The following GPR83 variants were observed in gnomAD, a reference collection of about 807,000 sequenced individuals.
GPR83 encodes G protein-coupled receptor 83.
A neutral mutation model predicts 28.0 loss-of-function variants in GPR83; 23 were observed. The ratio of observed to expected loss-of-function variants is 0.82; its 90% CI spans 0.59 to 1.16. The LOEUF is 1.16. Among genes scored for constraint, GPR83 ranks in the 50% most tolerant of loss-of-function variants. The pLI is 0.00. For missense variants in GPR83, 610 were observed against 536.6 expected, an observed-to-expected ratio of 1.14 and a Z score of -1.35; for synonymous variants, 234 against 215.4, an observed-to-expected ratio of 1.09 and a Z score of -0.76.
At chr11:94,396,370 A>G in intron 2 of GPR83, 29 bp downstream of exon 2, 2 of 1,609,098 alleles carry the variant, frequency 1.2e-6, no homozygotes, top group Admixed American at 1.7e-5. Context: ...GAGAGGGAAG[A>G]GCAGAGCATT....
intron 3 of GPR83, among the ~76,000 whole-genome samples, chr11:94,381,891 G>T (rs1410540247): frequency 6.6e-6 from 1 of 152,148 alleles, no homozygotes; most frequent in Non-Finnish European, 1.5e-5. Flanking sequence ...CCTCCTGTGG[G>T]GCAGGGGCAG....
At chr11:94,389,329 C>G (rs1369153604) in intron 3 of GPR83, among the ~76,000 whole-genome samples, 1 of 152,166 alleles carries the variant, frequency 6.6e-6, no homozygotes, top group Non-Finnish European at 1.5e-5. Context: ...CAAATGGGAT[C>G]TAATTAAACT....
At chr11:94,387,861 C>T (rs1944776323) in intron 3 of GPR83, among the ~76,000 whole-genome samples, 1 of 152,140 alleles carries the variant, frequency 6.6e-6, no homozygotes, top group Non-Finnish European at 1.5e-5. Context: ...CAAAGCCTGG[C>T]AGAGACACAA....
In GPR83 at chr11:94,387,720, C is replaced by T. The variant is rs182825330; in HGVS notation, c.647+5765G>A. Among the ~76,000 whole-genome samples the T allele has an allele frequency of 4.4e-3, 672 of 152,160 alleles. 38 individuals are homozygous for T. In the East Asian group the frequency reaches 0.093, roughly 21 times the overall value. On this transcript the variant is annotated intron_variant, in intron 3 of 3. Transcript: ENST00000243673. ...CAACCAAAAAAAGTCCAGGACCAGA[C>T]GGATTCACAGCCGATTTCTACCAGA...
intron 1 of GPR83, among the ~76,000 whole-genome samples, chr11:94,397,397 G>A (rs1198092060): frequency 6.6e-6 from 1 of 152,224 alleles, no homozygotes; most frequent in Non-Finnish European, 1.5e-5. Flanking sequence ...AAGACAGAAA[G>A]TAATCAGTGC....
rs147783996 is a variant in GPR83, at chr11:94,396,521, G to A, written c.391C>T (p.Arg131Cys). 95 of 1,613,528 alleles carry A rather than the reference G, an allele frequency of 5.9e-5. No individual in the cohort carries two copies. The highest frequency in any genetic ancestry group is 2.7e-4 in the Admixed American group (16 of 60,000). ...AATATCCATGTGCTGTTCACAAAGCGAACCTGGAGATGAGCCCAAAGATGT... is the reference window on the plus strand; with the variant it reads ...AATATCCATGTGCTGTTCACAAAGCAAACCTGGAGATGAGCCCAAAGATGT... ...TLLNTPFTLV[R>C]FVNSTWIFGK... The change falls in exon 2 of 4, where the codon CGC (arginine) becomes TGC (cysteine). Residue 131 changes from arginine (R) to cysteine (C), a missense_variant. By Grantham distance (180) the Arg-to-Cys change is radical. Coordinates refer to ENST00000243673, the MANE Select transcript of GPR83 (RefSeq NM_016540.4).
chr11:94,401,286 G>A lies in GPR83; in HGVS notation c.-39C>T. On this transcript the variant is annotated 5_prime_UTR_variant, in exon 1 of 4. Coordinates refer to ENST00000243673, the MANE Select transcript of GPR83 (RefSeq NM_016540.4). ...CCCCTCCCCTGGGAGCCTGCGGGCC[G>A]GGCGTCCCCTCCCGCTGGGATCGGA... 1 of 1,539,666 alleles carries A rather than the reference G, an allele frequency of 6.5e-7. No homozygotes were observed. Among genetic ancestry groups the A allele is most frequent in the Non-Finnish European group, 8.7e-7 (1 of 1,149,972 alleles).
At position 94,379,085 on chromosome 11, in the gene GPR83, A is replaced by G. The variant is rs1324162483; in HGVS notation, c.*1064T>C. 2 of 152,192 alleles carry G rather than the reference A, an allele frequency of 1.3e-5. 1 individual carries two copies. Among genetic ancestry groups the G allele is most frequent in the Non-Finnish European group, 2.9e-5 (2 of 68,100 alleles). The allele number at this position is 152,192 out of a possible 1,614,324, so 9.4% of individuals were successfully genotyped here. ...CTAAATGAAAAAGTATAAATGAAAA[A>G]AAAGGGCCGGGCGGGGTGGCTCACG... On this transcript the variant is annotated 3_prime_UTR_variant, in exon 4 of 4. Transcript: ENST00000243673.
At chr11:94,397,864 A>G (rs1252580374) in intron 1 of GPR83, among the ~76,000 whole-genome samples, 3 of 152,206 alleles carry the variant, frequency 2.0e-5, no homozygotes, top group African/African-American at 7.2e-5. Context: ...TGTGAACAAG[A>G]GTCATGTCAA....
rs545246723 is a variant in GPR83 at position 94,389,049 on chromosome 11, A to C, written c.647+4436T>G. On this transcript the variant is annotated intron_variant, in intron 3 of 3. Coordinates refer to ENST00000243673, the MANE Select transcript of GPR83 (RefSeq NM_016540.4). ...TCTACAACTATCTGGTCCTTGACAA[A>C]CCTGACAAAAACAAGAAATGGGGAA... is the stretch of plus-strand genomic sequence containing the variant. 3.3e-5 allele frequency among the ~76,000 whole-genome samples: 5 copies of C among 152,324 alleles called. No individual in the cohort carries two copies. In the East Asian group the frequency reaches 7.7e-4, roughly 23 times the overall value.
chr11:94,392,462 A>G (rs1944826063), intron 3 of GPR83, among the ~76,000 whole-genome samples: 1 of 152,118 alleles, frequency 6.6e-6, no homozygotes, highest in Non-Finnish European at 1.5e-5. Flanking sequence ...AATTTAAAGT[A>G]TAATAAAACA....
intron 3 of GPR83, among the ~76,000 whole-genome samples, chr11:94,388,962 G>C (rs1364426765): frequency 6.6e-6 from 1 of 152,142 alleles, no homozygotes; most frequent in East Asian, 1.9e-4. Context: ...CATGGTACTG[G>C]TACCAAAACA....
At chr11:94,393,068 A>T (rs986910119) in intron 3 of GPR83, among the ~76,000 whole-genome samples, 1 of 152,200 alleles carries the variant, frequency 6.6e-6, no homozygotes, top group Non-Finnish European at 1.5e-5. Context: ...CATACATGGT[A>T]GGTGGGGGAG....
intron 3 of GPR83, among the ~76,000 whole-genome samples, chr11:94,384,662 G>A (rs1261894686): frequency 3.3e-5 from 5 of 152,170 alleles, no homozygotes; most frequent in African/African-American, 4.8e-5. Flanking sequence ...AGGAGCGTCC[G>A]CCATTGCTGA....
chr11:94,381,017 A>G (rs891217759), intron 3 of GPR83, among the ~76,000 whole-genome samples: 1 of 152,178 alleles, frequency 6.6e-6, no homozygotes, highest in Non-Finnish European at 1.5e-5. Flanking sequence ...ATCTTGTGCA[A>G]TTCCTAGCCC....
At chr11:94,390,301 C>A (rs1371705354) in intron 3 of GPR83, among the ~76,000 whole-genome samples, 1 of 151,532 alleles carries the variant, frequency 6.6e-6, no homozygotes, top group East Asian at 1.9e-4. Flanking sequence ...CACACCTACC[C>A]TAAAACTTAA....
At chr11:94,390,216 T>G (rs1944803831) in intron 3 of GPR83, among the ~76,000 whole-genome samples, 1 of 151,878 alleles carries the variant, frequency 6.6e-6, no homozygotes. Flanking sequence ...ATATACCTAA[T>G]GTAAATGATG....
rs1332874657 is a variant in GPR83, at chr11:94,378,620, C to G, written c.*1529G>C. 2.0e-5 allele frequency: 3 copies of G among 152,542 alleles called. No homozygotes were observed. The highest frequency in any genetic ancestry group is 4.4e-5 in the Non-Finnish European group (3 of 68,032). 9.4% of individuals were successfully genotyped at this position (152,542 alleles called of 1,614,324 possible). A position where few individuals can be genotyped will look rare whatever the true frequency, so the allele number is the denominator to read the frequency against. ...TCTGTAAGTGAAAGTTACACCTGAA[C>G]CACCAAAATGATGTTGACAGCGAAT... On this transcript the variant is annotated 3_prime_UTR_variant, in exon 4 of 4. Coordinates refer to ENST00000243673, the MANE Select transcript of GPR83 (RefSeq NM_016540.4).
Position 94,378,510 on chromosome 11 carries a change from T to C in GPR83, c.*1639A>G, listed in dbSNP as rs1004689110. The stretch of plus-strand genomic sequence containing the variant: ...GAGTCACTCAGGACCAGACAGAAGG[T>C]GATAAAAACAATCAGTCCCTGGAAT... On this transcript the variant is annotated 3_prime_UTR_variant, in exon 4 of 4. Transcript: ENST00000243673. The C allele has an allele frequency of 1.3e-5, 2 of 152,184 alleles. No homozygotes were observed. The highest frequency in any genetic ancestry group is 4.8e-5 in the African/African-American group (2 of 41,408). 9.4% of individuals were successfully genotyped at this position (152,184 alleles called of 1,614,324 possible).
Sources: gnomAD v4.1 joint callset for allele counts (sites outside exome capture counted in the v4.1 genomes callset) on GRCh38, gnomAD v4.1.1 for gene constraint, MANE v1.5 for transcripts, NCBI Gene and HGNC (gene_info 2026-07-23, HGNC 2026-07-21) for gene names.